The following PRKD2 variants were observed in gnomAD, a reference collection of about 807,000 sequenced individuals.
The protein encoded by PRKD2 is serine/threonine-protein kinase D2.
In PRKD2, 22 loss-of-function variants were observed where a neutral mutation model predicts 86.0. The observed-to-expected ratio is 0.26, with a 90% CI of 0.18 to 0.37. The LOEUF (loss-of-function observed/expected upper bound fraction) is 0.37, where lower values mean the gene tolerates loss of function less well. PRKD2 is among the 10% of genes least tolerant of loss of function. The probability of loss-of-function intolerance (pLI) is 1.00; values close to 1 mark genes in which losing one functional copy is unlikely to be tolerated. For missense variants in PRKD2, 818 were observed against 1,199.2 expected, an observed-to-expected ratio of 0.68 and a Z score of 4.70; for synonymous variants, 509 against 510.9, an observed-to-expected ratio of 1.00 and a Z score of 0.05.
At chr19:46,706,773 T>C (rs1313337970) in intron 3 of PRKD2, among the ~76,000 whole-genome samples, 1 of 152,140 alleles carries the variant, frequency 6.6e-6, no homozygotes, top group African/African-American at 2.4e-5. Context: ...GATGGCAATA[T>C]TTATAAGAGC....
intron 16 of PRKD2, 117 bp from the exon 17 acceptor site, chr19:46,675,235 T>A (rs2053180775): frequency 2.4e-6 from 2 of 841,686 alleles, no homozygotes; most frequent in African/African-American, 3.4e-5. Flanking sequence ...CCAGCTCAGG[T>A]GGCTCAGAAG....
chr19:46,703,958 A>AC lies in PRKD2; in HGVS notation c.889+210_889+211insG, dbSNP rs1555830818. Among the ~76,000 whole-genome samples, 887 of 133,742 alleles carry AC rather than the reference A, an allele frequency of 6.6e-3. 7 individuals carry two copies. Among genetic ancestry groups the AC allele is most frequent in the African/African-American group, 0.025 (850 of 34,308 alleles). 87.7% of individuals were successfully genotyped at this position (133,742 alleles called of 152,430 possible). ...CACCCTGTCTCCAAAAAACAACAAC[A>AC]ACACACACACACACACACACACACA... On this transcript the variant is annotated intron_variant, in intron 5 of 17. Transcript: ENST00000291281.
At chr19:46,689,759 C>A in intron 13 of PRKD2, 61 bp from the exon 14 acceptor site, 1 of 1,586,094 alleles carries the variant, frequency 6.3e-7, no homozygotes, top group South Asian at 1.1e-5. Flanking sequence ...CCCAACGGGT[C>A]AGGTATAGGA....
At chr19:46,680,947 T>TA (rs1555826536) in intron 15 of PRKD2, among the ~76,000 whole-genome samples, 3,300 of 31,642 alleles carry the variant, frequency 0.1, 56 homozygotes, top group East Asian at 0.24. Flanking sequence ...TATATATATA[T>TA]TTTTTTTTTT....
intron 5 of PRKD2, among the ~76,000 whole-genome samples, chr19:46,701,652 C>A (rs2053636894): frequency 6.9e-6 from 1 of 145,454 alleles, no homozygotes; most frequent in Admixed American, 6.7e-5. Flanking sequence ...CCGCGCCCGA[C>A]TTGTGTGTGT....
rs1325939449 is a variant in PRKD2 at position 46,700,895 on chromosome 19, T to C, written c.1025A>G (p.Asp342Gly). 1.2e-6 allele frequency: 2 copies of C among 1,614,262 alleles called. No homozygotes were observed. Among genetic ancestry groups the C allele is most frequent in the Middle Eastern group, 1.6e-4 (1 of 6,062 alleles). ...FSEADKSALM[D>G]ESEDSGVIPG... Reference sequence around the variant, plus strand: ...GATGACACCGGAGTCCTCTGACTCATCCATGAGGGCGCTCTTGTCAGCCTC... The same window carrying C: ...GATGACACCGGAGTCCTCTGACTCACCCATGAGGGCGCTCTTGTCAGCCTC... The change falls in exon 7 of 18, where the codon GAT (aspartate) becomes GGT (glycine). Residue 342 changes from aspartate to glycine, a missense_variant. By Grantham distance (94) the Asp-to-Gly change is moderately conservative. Coordinates refer to ENST00000291281, the MANE Select transcript of PRKD2 (RefSeq NM_016457.5).
At chr19:46,683,119 C>T (rs1376645010) in intron 14 of PRKD2, among the ~76,000 whole-genome samples, 1 of 151,524 alleles carries the variant, frequency 6.6e-6, no homozygotes, top group Non-Finnish European at 1.5e-5. Context: ...TCCCAAATAG[C>T]TAGGACTACA....
At chr19:46,709,716 G>A (rs2053774740) in intron 3 of PRKD2, among the ~76,000 whole-genome samples, 1 of 151,990 alleles carries the variant, frequency 6.6e-6, no homozygotes, top group South Asian at 2.1e-4. Context: ...ACTGTAAGTG[G>A]GAGAGGTGAT....
At chr19:46,687,409 G>GGCA (rs112241475) in intron 14 of PRKD2, among the ~76,000 whole-genome samples, 8 of 151,086 alleles carry the variant, frequency 5.3e-5, no homozygotes, top group African/African-American at 2.4e-5. Context: ...CAAACAAAAA[G>GGCA]CACAGGCACA....
In PRKD2 at chr19:46,716,601, G is replaced by A; in HGVS notation, c.-231C>T. 1 of 397,480 alleles carries A rather than the reference G, an allele frequency of 2.5e-6. No individual in the cohort carries two copies. The highest frequency in any genetic ancestry group is 4.5e-6 in the Non-Finnish European group (1 of 224,278). 24.6% of individuals were successfully genotyped at this position (397,480 alleles called of 1,614,324 possible). ...GGAATCCAGGGCTCCCAGAAGATCA[G>A]AAAGGAGAAAAGTAGTGGGTTGGAG... On this transcript the variant is annotated 5_prime_UTR_variant, in exon 1 of 18. Coordinates refer to ENST00000291281, the MANE Select transcript of PRKD2 (RefSeq NM_016457.5). The surrounding 1 kb of genome is among the most constrained non-coding windows in gnomAD (Gnocchi z 7.9).
intron 13 of PRKD2, among the ~76,000 whole-genome samples, chr19:46,690,193 C>T (rs1021237095): frequency 6.6e-6 from 1 of 152,010 alleles, no homozygotes; most frequent in African/African-American, 2.4e-5. Flanking sequence ...GGCCTAACCC[C>T]TCTCTCCCAC....
At chr19:46,682,007 A>T (rs572580841) in intron 14 of PRKD2, among the ~76,000 whole-genome samples, 2 of 143,286 alleles carry the variant, frequency 1.4e-5, no homozygotes, top group South Asian at 2.2e-4. Flanking sequence ...TGCCCAGCTA[A>T]TTTTTTTTTT....
Position 46,710,910 on chromosome 19 carries a change from C to A in PRKD2, c.508G>T (p.Asp170Tyr), listed in dbSNP as rs768543948. 1 of 1,444,224 alleles carries A rather than the reference C, an allele frequency of 6.9e-7. No homozygotes were observed. Among genetic ancestry groups the A allele is most frequent in the Non-Finnish European group, 9.3e-7 (1 of 1,072,134 alleles). 89.5% of individuals were successfully genotyped at this position (1,444,224 alleles called of 1,614,324 possible). Residue 170 changes from aspartate to tyrosine, a missense_variant, in exon 3 of 18, where the codon GAT becomes TAT. Transcript: ENST00000291281. Reference sequence around the variant, plus strand: ...CCCCCAACCCTTTAGCTCTCACCATCGCACTTGAGGCCCTGGCGCACTAGG... The same window carrying A: ...CCCCCAACCCTTTAGCTCTCACCATAGCACTTGAGGCCCTGGCGCACTAGG... ...FGLVRQGLKC[D>Y]GCGLNYHKRC... is the part of the protein sequence containing the mutation.
chr19:46,715,913 T>C lies in PRKD2; in HGVS notation c.240+218A>G, dbSNP rs186976798. ...ACAACGACATGCAGGGACATGAAAT[T>C]TGGGGAGGCCTCTGGGGCACCCCAC... On this transcript the variant is annotated intron_variant, in intron 1 of 17. Transcript: ENST00000291281. Among the ~76,000 whole-genome samples, 10 of 152,296 alleles carry C rather than the reference T, an allele frequency of 6.6e-5. No individual in the cohort carries two copies. The East Asian group carries it at 1.7e-3, about 27-fold the overall frequency.
chr19:46,714,089 G>A (rs928603830), intron 1 of PRKD2, 88 bp from the exon 2 acceptor site: 14 of 1,494,012 alleles, frequency 9.4e-6, no homozygotes, highest in Admixed American at 4.1e-5. Context: ...GGGCAGGGCC[G>A]GCTGTTTCCC....
chr19:46,702,185 C>T (rs965599205), intron 5 of PRKD2, among the ~76,000 whole-genome samples: 8 of 151,898 alleles, frequency 5.3e-5, no homozygotes, highest in African/African-American at 1.9e-4. Flanking sequence ...ACTACAGGCA[C>T]GCACTACCAT....
rs779070058 is a variant in PRKD2 at position 46,701,006 on chromosome 19, T to G, written c.967+29A>C. 14 of 1,614,172 alleles carry G rather than the reference T, an allele frequency of 8.7e-6. No individual in the cohort carries two copies. In the East Asian group the frequency reaches 2.7e-4, roughly 31 times the overall value. On this transcript the variant is annotated intron_variant, in intron 6 of 17. Coordinates refer to ENST00000291281, the MANE Select transcript of PRKD2 (RefSeq NM_016457.5). ...TCCACCCAGTCCTGCCCCTTCCCCTTTCTCCCCAGCATCCCCCCAGCCTCT... is the reference window on the plus strand; with the variant it reads ...TCCACCCAGTCCTGCCCCTTCCCCTGTCTCCCCAGCATCCCCCCAGCCTCT...
chr19:46,701,913 C>T lies in PRKD2; in HGVS notation c.890-801G>A, dbSNP rs565047026. Among the ~76,000 whole-genome samples, 10 of 152,158 alleles carry T rather than the reference C, an allele frequency of 6.6e-5. No individual in the cohort carries two copies. The South Asian group carries it at 1.2e-3, about 19-fold the overall frequency. On this transcript the variant is annotated intron_variant, in intron 5 of 17. Coordinates refer to ENST00000291281, the MANE Select transcript of PRKD2 (RefSeq NM_016457.5). ...TGCCAAACATCCCCTAGGAGCAAAA[C>T]GGCCCCTGGTCGAGAACCATTGCTG...
chr19:46,697,753 A>G lies in PRKD2; in HGVS notation c.1219T>C (p.Tyr407His), dbSNP rs1311305182. Reference sequence around the variant, plus strand: ...CTCACCAGCGTGTCCTTGTTGCTGTAATGAACCACCCAACCCTCCCGCAGC... The same window carrying G: ...CTCACCAGCGTGTCCTTGTTGCTGTGATGAACCACCCAACCCTCCCGCAGC... ...TTLREGWVVH[Y>H]SNKDTLRKRH... The change falls in exon 8 of 18, where the codon TAC becomes CAC. Residue 407 changes from tyrosine (Y) to histidine (H), a missense_variant. Coordinates refer to ENST00000291281, the MANE Select transcript of PRKD2 (RefSeq NM_016457.5). The G allele has an allele frequency of 6.2e-7, 1 of 1,613,834 alleles. No individual in the cohort carries two copies. Among genetic ancestry groups the G allele is most frequent in the Non-Finnish European group, 8.5e-7 (1 of 1,179,928 alleles).
Sources: allele counts gnomAD v4.1 joint callset (sites outside exome capture counted in the v4.1 genomes callset), GRCh38; gene constraint gnomAD v4.1.1; non-coding constraint Gnocchi (gnomAD v3.1); transcripts MANE v1.5; gene names NCBI Gene and HGNC (gene_info 2026-07-23, HGNC 2026-07-21).